Variants in DCDC1 observed in about 807,000 individuals in gnomAD.
DCDC1 encodes doublecortin domain-containing protein 1.
A neutral mutation model predicts 178.3 loss-of-function variants in DCDC1; 200 were observed. That is an observed-to-expected ratio of 1.12 (90% confidence interval 1.00 to 1.26). The LOEUF (loss-of-function observed/expected upper bound fraction) is 1.26, where lower values mean the gene tolerates loss of function less well. DCDC1 is among the 50% of genes most tolerant of loss of function. The pLI is 0.00. For missense variants in DCDC1, 1,983 were observed against 1,749.2 expected, an observed-to-expected ratio of 1.13 and a Z score of -2.38; for synonymous variants, 690 against 604.8, an observed-to-expected ratio of 1.14 and a Z score of -2.07.
chr11:30,952,285 C>T (rs1948470891), intron 21 of DCDC1, among the ~76,000 whole-genome samples, 160 bp downstream of exon 21: 1 of 152,156 alleles, frequency 6.6e-6, no homozygotes, highest in Admixed American at 6.5e-5. Flanking sequence ...GAGACTTAAA[C>T]ACATCTAATT....
chr11:31,160,340 T>C (rs1418175539), intron 9 of DCDC1, among the ~76,000 whole-genome samples: 1 of 152,208 alleles, frequency 6.6e-6, no homozygotes, highest in Admixed American at 6.5e-5. Flanking sequence ...ATTACTTGAT[T>C]TGTGACAACT....
intron 4 of DCDC1, among the ~76,000 whole-genome samples, chr11:31,307,145 T>C (rs1948514573): frequency 6.6e-6 from 1 of 152,172 alleles, no homozygotes; most frequent in African/African-American, 2.4e-5. Flanking sequence ...TATTCAAACA[T>C]TTGAAAATAG....
chr11:30,973,972 T>C (rs1198300912), intron 20 of DCDC1, among the ~76,000 whole-genome samples: 4 of 152,174 alleles, frequency 2.6e-5, no homozygotes, highest in Admixed American at 2.0e-4. Context: ...TTCTCCAGGA[T>C]AGACCATTTG....
At chr11:31,073,204 T>C (rs1005823396) in intron 18 of DCDC1, among the ~76,000 whole-genome samples, 3 of 152,184 alleles carry the variant, frequency 2.0e-5, no homozygotes, top group Non-Finnish European at 2.9e-5. Context: ...GTGATTGTGT[T>C]TGGGAATTAA....
chr11:31,132,834 T>C (rs1202325291), intron 10 of DCDC1, among the ~76,000 whole-genome samples: 1 of 152,220 alleles, frequency 6.6e-6, no homozygotes. Context: ...GTGACACTTG[T>C]ACAGAATTTG....
At chr11:31,089,289 CAAG>C (rs1314993723) in intron 17 of DCDC1, among the ~76,000 whole-genome samples, 1 of 152,166 alleles carries the variant, frequency 6.6e-6, no homozygotes, top group African/African-American at 2.4e-5. Flanking sequence ...TTGTTACCAA[CAAG>C]AAATCTGCTG....
intron 9 of DCDC1, among the ~76,000 whole-genome samples, chr11:31,194,700 A>ATT (rs745916007): frequency 6.7e-6 from 1 of 150,268 alleles, no homozygotes; most frequent in Admixed American, 6.7e-5. Context: ...CATTTGTTTC[A>ATT]TTTTTTTTTG....
intron 9 of DCDC1, among the ~76,000 whole-genome samples, chr11:31,179,053 C>T (rs1390577351): frequency 6.6e-6 from 1 of 151,978 alleles, no homozygotes; most frequent in Non-Finnish European, 1.5e-5. Context: ...AATATAAAAA[C>T]GGCTGACAGG....
intron 33 of DCDC1, among the ~76,000 whole-genome samples, chr11:30,900,039 C>A (rs1944547006): frequency 6.6e-6 from 1 of 152,030 alleles, no homozygotes; most frequent in Non-Finnish European, 1.5e-5. Context: ...GAATTAAACT[C>A]ATTTGTTATT....
At chr11:31,341,540 A>G (rs1950547972) in intron 1 of DCDC1, among the ~76,000 whole-genome samples, 1 of 152,198 alleles carries the variant, frequency 6.6e-6, no homozygotes, top group African/African-American at 2.4e-5. Context: ...CCTAGATGGC[A>G]TACTATACAC....
At chr11:31,184,468 C>T (rs1969226182) in intron 9 of DCDC1, among the ~76,000 whole-genome samples, 2 of 151,982 alleles carry the variant, frequency 1.3e-5, no homozygotes, top group Non-Finnish European at 2.9e-5. Context: ...AGCTTCTGCA[C>T]AGCAAAAGAA....
chr11:30,995,263 C>T (rs1163051155), intron 20 of DCDC1, among the ~76,000 whole-genome samples: 1 of 151,896 alleles, frequency 6.6e-6, no homozygotes, highest in African/African-American at 2.4e-5. Context: ...AATCAAAGAT[C>T]TAAATAAATA....
At chr11:31,236,015 C>T (rs1223006231) in intron 9 of DCDC1, among the ~76,000 whole-genome samples, 3 of 151,936 alleles carry the variant, frequency 2.0e-5, no homozygotes, top group South Asian at 2.1e-4. Flanking sequence ...GCTAGAGATA[C>T]ATATTTGACA....
chr11:31,120,083 T>C (rs1209274873), intron 11 of DCDC1, among the ~76,000 whole-genome samples: 1 of 152,174 alleles, frequency 6.6e-6, no homozygotes, highest in Non-Finnish European at 1.5e-5. Flanking sequence ...TTCCTTTCTG[T>C]CATTGGCAGA....
rs1950222991 is a variant in DCDC1, at chr11:31,335,446, C to A, written c.-7+1G>T. The stretch of plus-strand genomic sequence containing the variant: ...CAGTCCCAATGAGATGAACCAGGTA[C>A]CTTAGTTGGAAATGCAGAAATCACC... On this transcript the variant is annotated splice_donor_variant, in intron 2 of 38. Transcript: ENST00000684477. LOFTEE classifies it low-confidence loss of function (5UTR_SPLICE). The A allele has an allele frequency of 6.6e-6, 1 of 152,208 alleles. No homozygotes were observed. Among genetic ancestry groups the A allele is most frequent in the Non-Finnish European group, 1.5e-5 (1 of 68,078 alleles). 9.4% of individuals were successfully genotyped at this position (152,208 alleles called of 1,614,324 possible). A position where few individuals can be genotyped will look rare whatever the true frequency, so the allele number is the denominator to read the frequency against.
chr11:31,172,192 T>C (rs1056206351), intron 9 of DCDC1, among the ~76,000 whole-genome samples: 1 of 152,030 alleles, frequency 6.6e-6, no homozygotes. Context: ...TTCCCTATAA[T>C]CTAAACTTCA....
chr11:31,354,235 G>A (rs1320971964), intron 1 of DCDC1, among the ~76,000 whole-genome samples: 4 of 152,118 alleles, frequency 2.6e-5, no homozygotes, highest in African/African-American at 4.8e-5. Context: ...GCAGTGAGCC[G>A]AGATCGCACC....
chr11:30,981,197 G>T (rs1950378146), intron 20 of DCDC1, among the ~76,000 whole-genome samples: 1 of 151,960 alleles, frequency 6.6e-6, no homozygotes, highest in Non-Finnish European at 1.5e-5. Flanking sequence ...AAGCGGAGAG[G>T]GTGGAAAGAG....
intron 9 of DCDC1, among the ~76,000 whole-genome samples, chr11:31,221,499 T>G (rs1378553343): frequency 6.6e-6 from 1 of 152,220 alleles, no homozygotes; most frequent in Non-Finnish European, 1.5e-5. Flanking sequence ...GGTAGTGACC[T>G]TCCCCTTTTG....
Sources: gnomAD v4.1 joint callset for allele counts (sites outside exome capture counted in the v4.1 genomes callset) on GRCh38, gnomAD v4.1.1 for gene constraint, MANE v1.5 for transcripts, NCBI Gene and HGNC (gene_info 2026-07-23, HGNC 2026-07-21) for gene names.